FAM120B: variants seen among roughly 807,000 people sequenced by gnomAD.
FAM120B encodes family with sequence similarity 120 member B, also known as constitutive coactivator of peroxisome proliferator-activated receptor gamma.
Under a neutral mutation model 96.3 loss-of-function variants are expected in FAM120B, and 83 were observed. That is an observed-to-expected ratio of 0.86 (90% CI 0.72 to 1.03). The LOEUF is 1.03. Ranked by LOEUF, FAM120B falls within the 50% of genes least tolerant of loss-of-function variation. The pLI, the probability that FAM120B is intolerant of heterozygous loss-of-function variation, is 0.00. For synonymous variants in FAM120B, 407 were observed against 402.7 expected (o/e 1.01, Z -0.13); for missense variants, 1,027 against 1,121.2 (o/e 0.92, Z 1.20).
chr6:170,341,754 C>T (rs1163642116), intron 4 of FAM120B, among the ~76,000 whole-genome samples: 1 of 152,196 alleles, frequency 6.6e-6, no homozygotes, highest in Non-Finnish European at 1.5e-5. Context: ...GCTCCTTGCA[C>T]TTCCTGGGTG....
intron 6 of FAM120B, among the ~76,000 whole-genome samples, chr6:170,360,104 G>A (rs993724412): frequency 2.6e-5 from 4 of 152,108 alleles, no homozygotes; most frequent in Non-Finnish European, 5.9e-5. Context: ...AAGTATTACA[G>A]AAAGGAACCC....
At chr6:170,400,843 G>C (rs539378720) in intron 9 of FAM120B, among the ~76,000 whole-genome samples, 1 of 152,186 alleles carries the variant, frequency 6.6e-6, no homozygotes, top group Non-Finnish European at 1.5e-5. Context: ...GGCCTGGCGG[G>C]AGCAGAGCCA....
chr6:170,388,568 C>T, intron 7 of FAM120B, 75 bp downstream of exon 7: 1 of 1,293,918 alleles, frequency 7.7e-7, no homozygotes, highest in African/African-American at 1.5e-5. Context: ...ATGAAGTCGG[C>T]TGTTGCATTT....
chr6:170,317,341 A>G, intron 1 of FAM120B, 29 bp from the exon 2 acceptor site: 1 of 1,543,094 alleles, frequency 6.5e-7, no homozygotes, highest in South Asian at 1.2e-5. Context: ...TAATGCCATA[A>G]TTACTGATTA....
At chr6:170,306,591 C>G (rs936701824), upstream of FAM120B, 1 of 152,208 alleles carries the variant, frequency 6.6e-6, no homozygotes, top group Non-Finnish European at 1.5e-5. Context: ...CGCGGCGTCC[C>G]ACGCCGCCGG....
chr6:170,350,339 G>A (rs561816449), intron 5 of FAM120B, among the ~76,000 whole-genome samples: 16 of 152,278 alleles, frequency 1.1e-4, no homozygotes, highest in Admixed American at 2.6e-4. Context: ...GAAGAGGGAC[G>A]GCCACAGTTC....
intron 5 of FAM120B, among the ~76,000 whole-genome samples, chr6:170,350,030 C>T (rs1475134306): frequency 1.3e-5 from 2 of 152,130 alleles, no homozygotes; most frequent in African/African-American, 4.8e-5. Flanking sequence ...CTTCATGAGC[C>T]CATACCACCA....
chr6:170,338,743 C>A (rs1786608935), intron 4 of FAM120B, among the ~76,000 whole-genome samples: 1 of 150,434 alleles, frequency 6.6e-6, no homozygotes, highest in Admixed American at 6.6e-5. Flanking sequence ...GCTACCTCTT[C>A]TTGTTGCATT....
chr6:170,318,704 C>A lies in FAM120B; in HGVS notation c.1314C>A (p.Pro438=), dbSNP rs1785089388. ...YTDSEPRQEV[P]MYTDSEPRQE... The stretch of plus-strand genomic sequence containing the variant: ...ACTCTGAACCCAGGCAAGAAGTTCC[C>A]ATGTATACAGACTCTGAACCCAGGC... The change falls in exon 2 of 11, where the codon CCC becomes CCA. Residue 438 remains proline, a synonymous_variant. Coordinates refer to ENST00000476287, the MANE Select transcript of FAM120B (RefSeq NM_032448.3). The A allele has an allele frequency of 6.3e-7, 1 of 1,593,358 alleles. No homozygotes were observed. Among genetic ancestry groups the A allele is most frequent in the Non-Finnish European group, 8.6e-7 (1 of 1,168,984 alleles).
upstream of FAM120B, among the ~76,000 whole-genome samples, chr6:170,292,095 C>A (rs1357028192): frequency 3.3e-5 from 5 of 152,152 alleles, no homozygotes; most frequent in Admixed American, 3.3e-4. This position sits in a 1 kb window ranked among gnomAD's most constrained non-coding sequence, Gnocchi z 6.6. Flanking sequence ...GAAAGAGCTC[C>A]CCTCCGCGCG....
chr6:170,304,524 T>C (rs1204405628), upstream of FAM120B, among the ~76,000 whole-genome samples: 1 of 151,892 alleles, frequency 6.6e-6, no homozygotes, highest in African/African-American at 2.4e-5. Context: ...ATTCCTATTT[T>C]TCACATGTCA....
At chr6:170,372,419 CG>C (rs909272246) in intron 6 of FAM120B, among the ~76,000 whole-genome samples, 4 of 4,618 alleles carry the variant, frequency 8.7e-4, no homozygotes, top group Non-Finnish European at 5.9e-4. Flanking sequence ...TCTACAGGGG[CG>C]GGGGGGTGGG....
intron 9 of FAM120B, among the ~76,000 whole-genome samples, chr6:170,397,518 G>A (rs746803391): frequency 2.0e-5 from 3 of 152,126 alleles, no homozygotes; most frequent in Non-Finnish European, 2.9e-5. Context: ...AGTCCACCCC[G>A]ACCGAGAAGC....
chr6:170,365,267 A>G (rs1334905564), intron 6 of FAM120B, among the ~76,000 whole-genome samples: 1 of 152,248 alleles, frequency 6.6e-6, no homozygotes, highest in African/African-American at 2.4e-5. Context: ...TGAGAGGCTT[A>G]TGTCTGAACA....
At chr6:170,312,819 G>A (rs976927869) in intron 1 of FAM120B, among the ~76,000 whole-genome samples, 1 of 152,196 alleles carries the variant, frequency 6.6e-6, no homozygotes, top group South Asian at 2.1e-4. Context: ...AGACAGCTGG[G>A]GATTTACAAC....
chr6:170,365,828 C>T (rs928462818), intron 6 of FAM120B, among the ~76,000 whole-genome samples: 6 of 151,956 alleles, frequency 3.9e-5, no homozygotes, highest in Non-Finnish European at 5.9e-5. Context: ...GGAACACACA[C>T]CCTTTTTGAG....
chr6:170,319,808 C>T (rs1007097542), intron 2 of FAM120B, among the ~76,000 whole-genome samples: 5 of 152,202 alleles, frequency 3.3e-5, no homozygotes, highest in South Asian at 2.1e-4. Context: ...ATCTGCATCA[C>T]GCGGGGGCGC....
At chr6:170,383,872 A>G (rs913642866) in intron 6 of FAM120B, among the ~76,000 whole-genome samples, 1 of 152,260 alleles carries the variant, frequency 6.6e-6, no homozygotes, top group Admixed American at 6.5e-5. Context: ...GAAGCAACCC[A>G]GATGTCTTTA....
chr6:170,390,400 GTCAT>G (rs1790419623), intron 7 of FAM120B, among the ~76,000 whole-genome samples: 1 of 152,084 alleles, frequency 6.6e-6, no homozygotes, highest in South Asian at 2.1e-4. Context: ...TAGCCTGTAA[GTCAT>G]TCCATCAAGG....
Sources: allele counts gnomAD v4.1 joint callset (sites outside exome capture counted in the v4.1 genomes callset), GRCh38; gene constraint gnomAD v4.1.1; non-coding constraint Gnocchi (gnomAD v3.1); transcripts MANE v1.5; gene names NCBI Gene and HGNC (gene_info 2026-07-23, HGNC 2026-07-21).